Variants in KCNU1 observed in about 807,000 individuals in gnomAD.
The protein encoded by KCNU1 is potassium calcium-activated channel subfamily U member 1, also known as potassium channel subfamily U member 1.
A neutral mutation model predicts 126.8 loss-of-function variants in KCNU1; 93 were observed. The observed-to-expected ratio is 0.73, with a 90% CI of 0.62 to 0.87. KCNU1 has a LOEUF of 0.87. Among genes scored for constraint, KCNU1 ranks in the 40% least tolerant of loss-of-function variants. The pLI is 0.00. For missense variants in KCNU1, 1,330 were observed against 1,367.1 expected (o/e 0.97, Z 0.43); for synonymous variants, 523 against 494.2 (o/e 1.06, Z -0.77).
At chr8:36,850,282 T>A (rs1011273658) in intron 18 of KCNU1, among the ~76,000 whole-genome samples, 5 of 152,212 alleles carry the variant, frequency 3.3e-5, no homozygotes, top group African/African-American at 1.2e-4. Context: ...TTGTTACATA[T>A]TTTGAATCAC....
rs192355452 is a variant in KCNU1 at position 36,883,390 on chromosome 8, C to T, written c.2009+18869C>T. Among the ~76,000 whole-genome samples, 20 of 152,326 alleles carry T rather than the reference C, an allele frequency of 1.3e-4. 1 individual carries two copies. Among genetic ancestry groups the T allele is most frequent in the Non-Finnish European group, 2.4e-4 (16 of 68,028 alleles). ...AGAAAATGAGACATAATCATCTAAGCTTTGAACTTTATCATTTACTCCTGT... is the reference window on the plus strand; with the variant it reads ...AGAAAATGAGACATAATCATCTAAGTTTTGAACTTTATCATTTACTCCTGT... On this transcript the variant is annotated intron_variant, in intron 19 of 26. Transcript: ENST00000399881.
In KCNU1 at chr8:36,922,638, A is replaced by C. The variant is rs1447871295; in HGVS notation, c.2736+9A>C. The stretch of plus-strand genomic sequence containing the variant: ...ATTCTCTGCTGGCCACGGTAAGAAA[A>C]GCTAAGCCATGGAGCCCCCAAAACC... On this transcript the variant is annotated intron_variant, in intron 24 of 26. Coordinates refer to ENST00000399881, the MANE Select transcript of KCNU1 (RefSeq NM_001031836.3). 6.2e-7 allele frequency: 1 copy of C among 1,611,594 alleles called. No individual in the cohort carries two copies. Among genetic ancestry groups the C allele is most frequent in the South Asian group, 1.1e-5 (1 of 90,718 alleles).
intron 14 of KCNU1, among the ~76,000 whole-genome samples, chr8:36,839,688 G>C (rs1487545583): frequency 6.6e-6 from 1 of 152,108 alleles, no homozygotes; most frequent in African/African-American, 2.4e-5. Flanking sequence ...TAGCAACAGT[G>C]CTCCTAAACG....
rs758424302 is a variant in KCNU1, at chr8:36,905,779, C to A, written c.2081C>A (p.Pro694Gln). 6 of 1,584,076 alleles carry A rather than the reference C, an allele frequency of 3.8e-6. No homozygotes were observed. The highest frequency in any genetic ancestry group is 3.4e-5 in the South Asian group (3 of 88,366). Residue 694 changes from proline to glutamine, a missense_variant, in exon 20 of 27, where the codon CCA becomes CAA. Pro to Gln is a moderately conservative substitution (Grantham distance 76). Transcript: ENST00000399881. Reference sequence around the variant, plus strand: ...AGTGGGATGTTTCACTGGTGCAAACCAACCTCTTTGGACAAGGTGACTCTG... The same window carrying A: ...AGTGGGATGTTTCACTGGTGCAAACAAACCTCTTTGGACAAGGTGACTCTG... ...DSSGMFHWCKPTSLDKVTLKR... is the reference protein window; with the variant it reads ...DSSGMFHWCKQTSLDKVTLKR...
At chr8:36,934,271 T>C (rs1193141088) in intron 26 of KCNU1, among the ~76,000 whole-genome samples, 2 of 152,010 alleles carry the variant, frequency 1.3e-5, no homozygotes, top group Admixed American at 6.5e-5. Flanking sequence ...ACATAGACAC[T>C]GTAGGCATGT....
chr8:36,823,926 C>G (rs896097040), intron 10 of KCNU1, among the ~76,000 whole-genome samples: 1 of 151,438 alleles, frequency 6.6e-6, no homozygotes. Flanking sequence ...CAACCTCCGC[C>G]TCCCAGATTC....
chr8:36,850,313 A>G (rs557368791), intron 18 of KCNU1, among the ~76,000 whole-genome samples: 1 of 152,196 alleles, frequency 6.6e-6, no homozygotes, highest in South Asian at 2.1e-4. Context: ...AGTTTTGATG[A>G]TGTTCAATGA....
chr8:36,907,906 T>C (rs1022518299), intron 20 of KCNU1, among the ~76,000 whole-genome samples: 2 of 152,226 alleles, frequency 1.3e-5, no homozygotes, highest in Admixed American at 6.5e-5. Flanking sequence ...TGATTGATAG[T>C]TATTGAACAA....
chr8:36,913,754 A>G (rs1221194416), intron 22 of KCNU1, among the ~76,000 whole-genome samples: 2 of 152,048 alleles, frequency 1.3e-5, no homozygotes, highest in Non-Finnish European at 2.9e-5. Context: ...GGCACCCGCC[A>G]CCATGCCTGG....
At position 36,836,348 on chromosome 8, in the gene KCNU1, C is replaced by G; in HGVS notation, c.1348C>G (p.Leu450Val). The G allele has an allele frequency of 6.2e-7, 1 of 1,600,856 alleles. No homozygotes were observed. Among genetic ancestry groups the G allele is most frequent in the South Asian group, 1.1e-5 (1 of 90,826 alleles). ...DSTTRIIIQILQSHNKVYLPK... is the reference protein window; with the variant it reads ...DSTTRIIIQIVQSHNKVYLPK... ...TACCACCAGAATCATCATACAGATA[C>G]TGCAATCCCATAACAAGGTATAGTA... Residue 450 changes from leucine (L) to valine (V), a missense_variant, in exon 13 of 27, where the codon CTG becomes GTG. Physicochemically the swap from Leu to Val is conservative, Grantham distance 32 (BLOSUM62 1). Around this residue, in one of 3 missense-constraint regions of KCNU1, gnomAD observed 1,054 missense variants for 1,053.9 expected, o/e 1.00. Coordinates refer to ENST00000399881, the MANE Select transcript of KCNU1 (RefSeq NM_001031836.3).
At chr8:36,785,045 T>C (rs951437620) in intron 1 of KCNU1, among the ~76,000 whole-genome samples, 1 of 152,240 alleles carries the variant, frequency 6.6e-6, no homozygotes, top group African/African-American at 2.4e-5. Context: ...ACGTGTACAT[T>C]GCCTTTTGTA....
At chr8:36,929,796 A>T (rs1316880317) in intron 24 of KCNU1, among the ~76,000 whole-genome samples, 2 of 152,142 alleles carry the variant, frequency 1.3e-5, no homozygotes, top group Non-Finnish European at 2.9e-5. Flanking sequence ...CGGTGGAGAC[A>T]GAGGGCCTGG....
chr8:36,817,290 G>A (rs1310754507), intron 9 of KCNU1, among the ~76,000 whole-genome samples: 4 of 151,282 alleles, frequency 2.6e-5, no homozygotes, highest in Admixed American at 6.6e-5. Context: ...ACCTGAGGTC[G>A]GGAGTTCAAG....
chr8:36,866,905 G>A (rs1232979718), intron 19 of KCNU1, among the ~76,000 whole-genome samples: 6 of 152,158 alleles, frequency 3.9e-5, no homozygotes, highest in East Asian at 1.9e-4. Context: ...GGGTTCACCC[G>A]TGAGGTGATG....
At chr8:36,909,637 T>A in intron 21 of KCNU1, 102 bp downstream of exon 21, 1 of 693,726 alleles carries the variant, frequency 1.4e-6, no homozygotes. Context: ...CCTTGCCAGA[T>A]GCCAGAAACT....
In KCNU1 at chr8:36,807,435, G is replaced by C. The variant is rs980395094; in HGVS notation, c.641G>C (p.Arg214Pro). Residue 214 changes from arginine to proline, a missense_variant, in exon 6 of 27, where the codon CGA (arginine) becomes CCA (proline). Around this residue, in one of 3 missense-constraint regions of KCNU1, gnomAD observed 247 missense variants for 255.4 expected, o/e 0.97. Coordinates refer to ENST00000399881, the MANE Select transcript of KCNU1 (RefSeq NM_001031836.3). ...LELPQILQILRAIKTSNSVKF... is the reference protein window; with the variant it reads ...LELPQILQILPAIKTSNSVKF... ...CTCCCTCAAATCTTGCAAATTCTAC[G>C]AGCCATCAAGACCAGGTAAATAGCC... 6.2e-7 allele frequency: 1 copy of C among 1,612,388 alleles called. No homozygotes were observed. Among genetic ancestry groups the C allele is most frequent in the Non-Finnish European group, 8.5e-7 (1 of 1,178,648 alleles).
At chr8:36,837,200 T>C (rs1804783369) in intron 14 of KCNU1, among the ~76,000 whole-genome samples, 1 of 152,128 alleles carries the variant, frequency 6.6e-6, no homozygotes, top group Admixed American at 6.6e-5. Flanking sequence ...CTCTGCTTCC[T>C]ACCTACAGTC....
intron 18 of KCNU1, among the ~76,000 whole-genome samples, chr8:36,849,969 T>C (rs72634125): frequency 6.6e-6 from 1 of 152,304 alleles, no homozygotes; most frequent in Non-Finnish European, 1.5e-5. Context: ...CCAGTTTTTC[T>C]ACATTCTCAC....
chr8:36,794,140 G>A (rs1433702655), intron 2 of KCNU1, among the ~76,000 whole-genome samples: 1 of 151,608 alleles, frequency 6.6e-6, no homozygotes, highest in Non-Finnish European at 1.5e-5. Flanking sequence ...GCAAGTCACA[G>A]GTCATTTTCC....
Sources: allele counts gnomAD v4.1 joint callset (sites outside exome capture counted in the v4.1 genomes callset), GRCh38; gene constraint gnomAD v4.1.1; regional missense constraint gnomAD v4.1.1; transcripts MANE v1.5; gene names NCBI Gene and HGNC (gene_info 2026-07-23, HGNC 2026-07-21).